XDH: variants seen among roughly 807,000 people sequenced by gnomAD.
XDH encodes the protein xanthine dehydrogenase.
In XDH, 138 loss-of-function variants were observed where a neutral mutation model predicts 156.1. That is an observed-to-expected ratio of 0.88 (90% CI 0.77 to 1.02). The LOEUF (loss-of-function observed/expected upper bound fraction) is 1.02, where lower values mean the gene tolerates loss of function less well. XDH is among the 50% of genes least tolerant of loss of function. XDH has a pLI of 0.00. For missense variants in XDH, 1,849 were observed against 1,684.9 expected (o/e 1.10, Z -1.71); for synonymous variants, 669 against 625.7 (o/e 1.07, Z -1.03).
chr2:31,401,739 C>G (rs1687066135), intron 3 of XDH, among the ~76,000 whole-genome samples: 1 of 152,246 alleles, frequency 6.6e-6, no homozygotes, highest in Non-Finnish European at 1.5e-5. Context: ...CACTTTGCTT[C>G]CCTGCATTTC....
chr2:31,379,960 G>C lies in XDH; in HGVS notation c.1149C>G (p.Val383=). The C allele has an allele frequency of 1.2e-6, 2 of 1,614,046 alleles. No individual in the cohort carries two copies. The highest frequency in any genetic ancestry group is 1.7e-6 in the Non-Finnish European group (2 of 1,180,030). The change falls in exon 13 of 36, where the codon GTC becomes GTG. Residue 383 remains valine (V), a synonymous_variant. Transcript: ENST00000379416. Reference sequence around the variant, plus strand: ...CAGGGAAGAAGGTGTGGTCCATCTGGACAGTTCTCCTGGTGCCTGTACAGA... The same window carrying C: ...CAGGGAAGAAGGTGTGGTCCATCTGCACAGTTCTCCTGGTGCCTGTACAGA... ...TLVSRGTRRT[V]QMDHTFFPGY...
chr2:31,357,705 G>C (rs1685662159), intron 24 of XDH, among the ~76,000 whole-genome samples: 1 of 151,696 alleles, frequency 6.6e-6, no homozygotes, highest in South Asian at 2.1e-4. Flanking sequence ...AATAAGAGTA[G>C]AATTGAAATG....
At chr2:31,395,552 G>T (rs1331539727) in intron 6 of XDH, among the ~76,000 whole-genome samples, 1 of 152,132 alleles carries the variant, frequency 6.6e-6, no homozygotes, top group East Asian at 1.9e-4. Context: ...TTACTGTGAG[G>T]ACCTGGTGGA....
At chr2:31,391,173 A>AT (rs576658315) in intron 6 of XDH, among the ~76,000 whole-genome samples, 1,544 of 151,142 alleles carry the variant, frequency 0.01, 16 homozygotes, top group African/African-American at 0.029. Context: ...GTTTAGATTC[A>AT]TTTTTTTTTG....
At chr2:31,357,116 C>A (rs1003399863) in intron 24 of XDH, among the ~76,000 whole-genome samples, 7 of 152,044 alleles carry the variant, frequency 4.6e-5, no homozygotes, top group African/African-American at 1.7e-4. Context: ...AACTTTACAG[C>A]ACTAAATTGA....
intron 16 of XDH, 34 bp from the exon 17 acceptor site, chr2:31,372,431 G>A: frequency 6.2e-7 from 1 of 1,613,470 alleles, no homozygotes; most frequent in Non-Finnish European, 8.5e-7. Flanking sequence ...AGGGTGAGCT[G>A]CCAAGGACAC....
intron 11 of XDH, among the ~76,000 whole-genome samples, chr2:31,382,086 G>A (rs1007266856): frequency 2.6e-5 from 4 of 152,156 alleles, no homozygotes; most frequent in African/African-American, 9.7e-5. Context: ...GGAAAGAGAG[G>A]AGGAAGACTT....
Position 31,364,155 on chromosome 2 carries a change from C to T in XDH, c.2631+3G>A. 6.2e-7 allele frequency: 1 copy of T among 1,613,894 alleles called. No homozygotes were observed. Among genetic ancestry groups the T allele is most frequent in the Non-Finnish European group, 8.5e-7 (1 of 1,180,008 alleles). On this transcript the variant is annotated splice_donor_region_variant and intron_variant, in intron 24 of 35. Coordinates refer to ENST00000379416, the MANE Select transcript of XDH (RefSeq NM_000379.4). ...TGCAGGGGCGGCTGCAGGTCCTACT[C>T]ACACTCTGAGAGAGATCCTGGGTGT...
chr2:31,350,211 C>A lies in XDH; in HGVS notation c.2644G>T (p.Ala882Ser), dbSNP rs774190277. The part of the protein sequence containing the change: ...QDLSQSIMER[A>S]LFHMDNCYKI... ...TAGCAGTTGTCCATGTGGAATAAAG[C>A]TCGTTCCATAATCTGAAGCAGAGGA... Residue 882 changes from alanine (A) to serine (S), a missense_variant, in exon 25 of 36, where the codon GCT becomes TCT. Physicochemically the swap from Ala to Ser is moderately conservative, Grantham distance 99. Coordinates refer to ENST00000379416, the MANE Select transcript of XDH (RefSeq NM_000379.4). The A allele has an allele frequency of 1.2e-6, 2 of 1,614,096 alleles. No homozygotes were observed. Among genetic ancestry groups the A allele is most frequent in the South Asian group, 2.2e-5 (2 of 91,086 alleles).
At chr2:31,397,288 G>C (rs932251177) in intron 6 of XDH, among the ~76,000 whole-genome samples, 9 of 152,180 alleles carry the variant, frequency 5.9e-5, no homozygotes, top group African/African-American at 1.9e-4. Flanking sequence ...TGCAAGTGCT[G>C]AGCAAGGCCA....
At chr2:31,348,807 G>T (rs1326187789) in intron 27 of XDH, 92 bp downstream of exon 27, 2 of 1,201,368 alleles carry the variant, frequency 1.7e-6, no homozygotes, top group Non-Finnish European at 2.5e-6. Flanking sequence ...CCTGTTACCA[G>T]TGACAACGAA....
chr2:31,391,816 C>CAT (rs1686772150), intron 6 of XDH, among the ~76,000 whole-genome samples: 1 of 152,178 alleles, frequency 6.6e-6, no homozygotes, highest in African/African-American at 2.4e-5. Context: ...ATTGCTGTTA[C>CAT]ATATGAAAGT....
intron 4 of XDH, among the ~76,000 whole-genome samples, chr2:31,399,306 T>C (rs963088024): frequency 1.3e-5 from 2 of 151,934 alleles, no homozygotes; most frequent in African/African-American, 4.8e-5. Flanking sequence ...AAGTTGTAAA[T>C]GAGAGTATAG....
At chr2:31,375,019 C>CTTTTTTTT (rs757150117) in intron 15 of XDH, among the ~76,000 whole-genome samples, 31 of 101,226 alleles carry the variant, frequency 3.1e-4, no homozygotes, top group Middle Eastern at 4.6e-3. Flanking sequence ...TTCTTTCTTT[C>CTTTTTTTT]TTTCTTTTTT....
At chr2:31,340,394 G>C (rs1244034051) in intron 33 of XDH, among the ~76,000 whole-genome samples, 1 of 152,180 alleles carries the variant, frequency 6.6e-6, no homozygotes, top group East Asian at 1.9e-4. Context: ...AGTACAATTT[G>C]TATTTTCTAC....
intron 6 of XDH, among the ~76,000 whole-genome samples, chr2:31,391,825 G>A (rs907861596): frequency 6.6e-6 from 1 of 152,188 alleles, no homozygotes; most frequent in Non-Finnish European, 1.5e-5. Context: ...ACATATGAAA[G>A]TGATTAACTT....
chr2:31,395,237 A>C (rs1204760439), intron 6 of XDH, among the ~76,000 whole-genome samples: 1 of 152,116 alleles, frequency 6.6e-6, no homozygotes. Context: ...TGTGCCGCTC[A>C]CCTGTGAACT....
At position 31,375,655 on chromosome 2, in the gene XDH, T is replaced by C; in HGVS notation, c.1428-101A>G. The C allele has an allele frequency of 3.5e-6, 5 of 1,432,836 alleles. No individual in the cohort carries two copies. The South Asian group carries it at 4.9e-5, about 14-fold the overall frequency. 88.8% of individuals were successfully genotyped at this position (1,432,836 alleles called of 1,614,324 possible). Reference sequence around the variant, plus strand: ...GGCCTCGGAGCTGTACAAAGCTTGGTTCAAAATTTGGCTTGGATACTTAGA... The same window carrying C: ...GGCCTCGGAGCTGTACAAAGCTTGGCTCAAAATTTGGCTTGGATACTTAGA... On this transcript the variant is annotated intron_variant, in intron 14 of 35. Coordinates refer to ENST00000379416, the MANE Select transcript of XDH (RefSeq NM_000379.4).
rs1219561750 is a variant in XDH, at chr2:31,368,077, T to TTGTGA, written c.2101-21_2101-20insTCACA. The TTGTGA allele has an allele frequency of 3.1e-6, 5 of 1,611,982 alleles. No individual in the cohort carries two copies. The African/African-American group carries it at 6.7e-5, about 22-fold the overall frequency. ...AGCATCCTGAGGATCACAAAGAAGT[T>TTGTGA]TCAGAAATGTGGCTTTTAGCAGGGA... On this transcript the variant is annotated intron_variant, in intron 19 of 35. Coordinates refer to ENST00000379416, the MANE Select transcript of XDH (RefSeq NM_000379.4).
Sources: gnomAD v4.1 joint callset for allele counts (sites outside exome capture counted in the v4.1 genomes callset) on GRCh38, gnomAD v4.1.1 for gene constraint, MANE v1.5 for transcripts, NCBI Gene and HGNC (gene_info 2026-07-23, HGNC 2026-07-21) for gene names.